Variants in PCDHGA2 observed in about 807,000 individuals in gnomAD.
PCDHGA2 encodes protocadherin gamma subfamily A, 2.
PCDHGA2 carries 40 observed loss-of-function variants against 59.2 expected under a neutral mutation model. The ratio of observed to expected loss-of-function variants is 0.68; its 90% CI spans 0.52 to 0.88. The LOEUF is 0.88. PCDHGA2 is among the 40% of genes least tolerant of loss of function. PCDHGA2 has a pLI of 0.00. For missense variants in PCDHGA2, 1,226 were observed against 1,204.0 expected (o/e 1.02, Z -0.27); for synonymous variants, 560 against 526.0 (o/e 1.06, Z -0.89).
intron 1 of PCDHGA2, chr5:141,413,602 G>A (rs1561743581): frequency 6.2e-7 from 1 of 1,613,860 alleles, no homozygotes; most frequent in Non-Finnish European, 8.5e-7. Flanking sequence ...AGAAAATCTA[G>A]ACGTAAAAAT....
At chr5:141,405,450 T>G in intron 1 of PCDHGA2, 7 of 1,286,684 alleles carry the variant, frequency 5.4e-6, no homozygotes, top group South Asian at 1.4e-5. Flanking sequence ...GACAGAGTCT[T>G]ACTCTGTTAC....
At chr5:141,495,255 G>A (rs1055329757) in intron 2 of PCDHGA2, among the ~76,000 whole-genome samples, 5 of 152,212 alleles carry the variant, frequency 3.3e-5, no homozygotes, top group African/African-American at 1.2e-4. Flanking sequence ...GGCTCAGGCA[G>A]AAAAGCATTT....
rs1413863478 is a variant in PCDHGA2, at chr5:141,339,995, G to A, written c.1024G>A (p.Asp342Asn). The A allele has an allele frequency of 7.4e-6, 12 of 1,613,856 alleles. No homozygotes were observed. In the African/African-American group the frequency reaches 1.6e-4, roughly 22 times the overall value. The change falls in exon 1 of 4, where the codon GAC becomes AAC. Residue 342 changes from aspartate to asparagine, a missense_variant. By Grantham distance (23) the Asp-to-Asn change is conservative. Coordinates refer to ENST00000394576, the MANE Select transcript of PCDHGA2 (RefSeq NM_018915.4). Reference protein sequence around the residue: ...KVIVTVLDVNDNAPEFYMTSA... With the variant: ...KVIVTVLDVNNNAPEFYMTSA... The stretch of plus-strand genomic sequence containing the variant: ...TATCGTCACGGTTCTGGATGTGAAT[G>A]ACAATGCCCCAGAATTTTACATGAC...
In PCDHGA2 at chr5:141,487,000, G is replaced by T. The variant is rs1410493699; in HGVS notation, c.2425-7807G>T. 2 of 1,614,076 alleles carry T rather than the reference G, an allele frequency of 1.2e-6. No homozygotes were observed. Among genetic ancestry groups the T allele is most frequent in the Non-Finnish European group, 1.7e-6 (2 of 1,180,044 alleles). On this transcript the variant is annotated intron_variant, in intron 1 of 3. Coordinates refer to ENST00000394576, the MANE Select transcript of PCDHGA2 (RefSeq NM_018915.4). The surrounding 1 kb of genome is among the most constrained non-coding windows in gnomAD (Gnocchi z 5.0). Reference sequence around the variant, plus strand: ...GTTACAATGCTTGGGTTTCCTATCAGCTCCTGGAGGCCCCAGATCCCAGCC... The same window carrying T: ...GTTACAATGCTTGGGTTTCCTATCATCTCCTGGAGGCCCCAGATCCCAGCC...
At chr5:141,422,690 T>C (rs1384522137) in intron 1 of PCDHGA2, 1 of 1,603,790 alleles carries the variant, frequency 6.2e-7, no homozygotes, top group African/African-American at 1.3e-5. Flanking sequence ...AATGCCCTGG[T>C]CACTTACTCT....
intron 1 of PCDHGA2, among the ~76,000 whole-genome samples, chr5:141,467,950 C>T (rs780236016): frequency 2.6e-5 from 4 of 152,290 alleles, no homozygotes; most frequent in Admixed American, 6.5e-5. Context: ...TGAGCCACCA[C>T]ACCCGGCTGC....
chr5:141,344,103 T>TGCG (rs2149732646), intron 1 of PCDHGA2: 1 of 1,613,920 alleles, frequency 6.2e-7, no homozygotes, highest in East Asian at 2.2e-5. Context: ...GGGGACGCTG[T>TGCG]GCGAAACAGG....
At chr5:141,359,574 T>C (rs1001911396) in intron 1 of PCDHGA2, among the ~76,000 whole-genome samples, 1 of 151,702 alleles carries the variant, frequency 6.6e-6, no homozygotes, top group African/African-American at 2.4e-5. Context: ...GATATGATCT[T>C]TAAGATATAA....
chr5:141,375,724 A>T (rs1771805917), intron 1 of PCDHGA2: 1 of 1,614,144 alleles, frequency 6.2e-7, no homozygotes, highest in Non-Finnish European at 8.5e-7. Flanking sequence ...GCAACGTGTC[A>T]CTGAGCCTGT....
At chr5:141,399,818 G>A in intron 1 of PCDHGA2, 1 of 1,613,204 alleles carries the variant, frequency 6.2e-7, no homozygotes, top group Non-Finnish European at 8.5e-7. Context: ...CCCGCGCTGG[G>A]TCCCGACGGC....
intron 1 of PCDHGA2, among the ~76,000 whole-genome samples, chr5:141,425,305 AC>A (rs1239206853): frequency 1.3e-5 from 2 of 152,202 alleles, no homozygotes; most frequent in Non-Finnish European, 2.9e-5. Flanking sequence ...ATCTAAACTA[AC>A]TTCCCAAGAT....
intron 1 of PCDHGA2, chr5:141,408,120 C>T (rs1375123891): frequency 3.4e-6 from 5 of 1,475,704 alleles, no homozygotes. Flanking sequence ...TCCTCCTGTC[C>T]TGGGCCGAAT....
At chr5:141,474,044 T>A (rs1442885504) in intron 1 of PCDHGA2, among the ~76,000 whole-genome samples, 3 of 152,162 alleles carry the variant, frequency 2.0e-5, no homozygotes. Context: ...TACTCCAGCC[T>A]GGATGACAGA....
chr5:141,385,108 A>C, intron 1 of PCDHGA2: 1 of 1,614,126 alleles, frequency 6.2e-7, no homozygotes, highest in Non-Finnish European at 8.5e-7. Flanking sequence ...GAACGTGCCC[A>C]CCTCGCACTT....
In PCDHGA2 at chr5:141,382,905, G is replaced by C. The variant is rs773530372; in HGVS notation, c.2424+41510G>C. On this transcript the variant is annotated intron_variant, in intron 1 of 3. Transcript: ENST00000394576. Reference sequence around the variant, plus strand: ...GCAAGAGAAGCAGGACGACTATGGCGGCTCAGCCGAGGGGCGGGGACTACA... The same window carrying C: ...GCAAGAGAAGCAGGACGACTATGGCCGCTCAGCCGAGGGGCGGGGACTACA... 3.8e-5 allele frequency: 59 copies of C among 1,544,508 alleles called. No individual in the cohort carries two copies. The South Asian group carries it at 5.7e-4, about 15-fold the overall frequency.
rs1258181913 is a variant in PCDHGA2, at chr5:141,366,360, G to A, written c.2424+24965G>A. ...CCTGACATCCTGGCTGACCTAGGCA[G>A]TATCAAGACCCCCATTGACCCTGAG... On this transcript the variant is annotated intron_variant, in intron 1 of 3. Coordinates refer to ENST00000394576, the MANE Select transcript of PCDHGA2 (RefSeq NM_018915.4). The A allele has an allele frequency of 9.3e-6, 15 of 1,614,022 alleles. No homozygotes were observed. The highest frequency in any genetic ancestry group is 1.3e-5 in the African/African-American group (1 of 75,076).
Position 141,485,855 on chromosome 5 carries a change from C to A in PCDHGA2, c.2425-8952C>A. ...CCCGCCGAGATCTGGCACCGCAGAG[C>A]TCCGGGTATCCGTGCTGGACGTAAA... On this transcript the variant is annotated intron_variant, in intron 1 of 3. Transcript: ENST00000394576. The surrounding 1 kb of genome is among the most constrained non-coding windows in gnomAD (Gnocchi z 5.7). 6.2e-7 allele frequency: 1 copy of A among 1,614,196 alleles called. No homozygotes were observed. Among genetic ancestry groups the A allele is most frequent in the Non-Finnish European group, 8.5e-7 (1 of 1,180,036 alleles).
At position 141,431,108 on chromosome 5, in the gene PCDHGA2, T is replaced by C; in HGVS notation, c.2425-63699T>C. 1 of 1,614,180 alleles carries C rather than the reference T, an allele frequency of 6.2e-7. No homozygotes were observed. The highest frequency in any genetic ancestry group is 8.5e-7 in the Non-Finnish European group (1 of 1,180,032). On this transcript the variant is annotated intron_variant, in intron 1 of 3. Coordinates refer to ENST00000394576, the MANE Select transcript of PCDHGA2 (RefSeq NM_018915.4). This position sits in a 1 kb window ranked among gnomAD's most constrained non-coding sequence, Gnocchi z 4.8. ...TCTGATGGAGGATAAAGTGAAAATATATGGAGTAGAAGTAGAAGTAAGGGA... is the reference window on the plus strand; with the variant it reads ...TCTGATGGAGGATAAAGTGAAAATACATGGAGTAGAAGTAGAAGTAAGGGA...
In PCDHGA2 at chr5:141,339,735, C is replaced by A. The variant is rs754938154; in HGVS notation, c.764C>A (p.Thr255Lys). ...PEYRISIPEN[T>K]LVGTRILTVT... ...TACCGCATAAGCATTCCGGAGAATA[C>A]GCTCGTGGGCACCCGGATACTCACG... Residue 255 changes from threonine (T) to lysine (K), a missense_variant, in exon 1 of 4, where the codon ACG becomes AAG. Transcript: ENST00000394576. The A allele has an allele frequency of 6.2e-7, 1 of 1,614,100 alleles. No individual in the cohort carries two copies.
Sources: allele counts gnomAD v4.1 joint callset (sites outside exome capture counted in the v4.1 genomes callset), GRCh38; gene constraint gnomAD v4.1.1; non-coding constraint Gnocchi (gnomAD v3.1); transcripts MANE v1.5; gene names NCBI Gene and HGNC (gene_info 2026-07-23, HGNC 2026-07-21).